FSTL4: variants seen among roughly 807,000 people sequenced by gnomAD.
FSTL4 encodes follistatin like 4.
Under a neutral mutation model 78.2 loss-of-function variants are expected in FSTL4, and 28 were observed. The ratio of observed to expected loss-of-function variants is 0.36; its 90% confidence interval spans 0.27 to 0.49. The LOEUF is 0.49. FSTL4 is among the 20% of genes least tolerant of loss of function. The pLI is 0.98. For synonymous variants in FSTL4, 422 were observed against 440.5 expected (o/e 0.96, Z 0.53); for missense variants, 922 against 1,084.9 (o/e 0.85, Z 2.11).
At chr5:133,376,041 G>A (rs1580660195) in intron 4 of FSTL4, among the ~76,000 whole-genome samples, 1 of 152,324 alleles carries the variant, frequency 6.6e-6, no homozygotes, top group South Asian at 2.1e-4. Context: ...ATTTCCAACA[G>A]GTTGTGTGTA....
the FSTL4 span, among the ~76,000 whole-genome samples, chr5:133,763,602 C>A: frequency 6.6e-6 from 1 of 152,190 alleles, no homozygotes; most frequent in African/African-American, 2.4e-5. Flanking sequence ...CAGCAGGATC[C>A]CATCCAGCAC....
chr5:133,371,372 A>T (rs1282340001), intron 4 of FSTL4, among the ~76,000 whole-genome samples: 1 of 151,966 alleles, frequency 6.6e-6, no homozygotes, highest in East Asian at 1.9e-4. Context: ...GGTTTATCCC[A>T]TGTAGGTCTC....
intron 2 of FSTL4, among the ~76,000 whole-genome samples, chr5:133,572,590 T>A (rs1324360730): frequency 6.6e-6 from 1 of 152,094 alleles, no homozygotes; most frequent in Non-Finnish European, 1.5e-5. Context: ...AATGTATAGC[T>A]ATGCAAGAAG....
At chr5:133,827,382 G>T in the FSTL4 span, among the ~76,000 whole-genome samples, 3,026 of 152,196 alleles carry the variant, frequency 0.02, 105 homozygotes, top group African/African-American at 0.07. Context: ...AGCTGGGAGG[G>T]CAGAGAATAT....
the FSTL4 span, among the ~76,000 whole-genome samples, chr5:133,832,523 C>T: frequency 0.1 from 15,513 of 152,244 alleles, 858 homozygotes; most frequent in Admixed American, 0.15. Flanking sequence ...ATCTTTAGTC[C>T]AGATTTGATT....
rs1353380660 is a variant in FSTL4, at chr5:133,199,450, A to G, written c.2174T>C (p.Leu725Pro). Residue 725 changes from leucine to proline, a missense_variant, in exon 16 of 16, where the codon CTG (leucine) becomes CCG (proline). Physicochemically the swap from Leu to Pro is moderately conservative, Grantham distance 98. Coordinates refer to ENST00000265342, the MANE Select transcript of FSTL4 (RefSeq NM_015082.2). This position sits in a 1 kb window ranked among gnomAD's most constrained non-coding sequence, Gnocchi z 4.4. ...EITVRGEIQT[L>P]YDLQINSGIS... ...GCCCGAGTTTATTTGCAGGTCATAC[A>G]GGGTCTGGATCTCGCCCCGCACTGT... 3 of 1,614,066 alleles carry G rather than the reference A, an allele frequency of 1.9e-6. No homozygotes were observed. The highest frequency in any genetic ancestry group is 2.2e-5 in the South Asian group (2 of 91,088).
chr5:133,216,979 T>C (rs1750928111), intron 13 of FSTL4, among the ~76,000 whole-genome samples: 1 of 152,214 alleles, frequency 6.6e-6, no homozygotes, highest in Admixed American at 6.5e-5. Context: ...CCTTATTACT[T>C]ATAGTTCTCT....
chr5:133,402,816 C>A (rs1034001824), intron 3 of FSTL4, among the ~76,000 whole-genome samples: 1 of 152,174 alleles, frequency 6.6e-6, no homozygotes, highest in African/African-American at 2.4e-5. Flanking sequence ...AAGTGCAGAT[C>A]CTAAGGAGGC....
chr5:133,420,569 G>A (rs542764571), intron 3 of FSTL4, among the ~76,000 whole-genome samples: 1 of 152,296 alleles, frequency 6.6e-6, no homozygotes, highest in Non-Finnish European at 1.5e-5. Flanking sequence ...GAAGATGAAG[G>A]GGGCTCTCAG....
chr5:133,422,270 G>C (rs1055094356), intron 3 of FSTL4, among the ~76,000 whole-genome samples: 1 of 152,072 alleles, frequency 6.6e-6, no homozygotes, highest in Non-Finnish European at 1.5e-5. Context: ...GCAGGAGAGT[G>C]GTACGATATG....
chr5:133,400,148 T>C (rs1756183382), intron 4 of FSTL4, among the ~76,000 whole-genome samples: 1 of 152,166 alleles, frequency 6.6e-6, no homozygotes, highest in African/African-American at 2.4e-5. Flanking sequence ...TCTGACTCAA[T>C]CTCAGCCTAA....
chr5:133,568,098 A>C (rs1760067581), intron 2 of FSTL4, among the ~76,000 whole-genome samples: 1 of 152,248 alleles, frequency 6.6e-6, no homozygotes, highest in Non-Finnish European at 1.5e-5. Context: ...AGAGAATAGC[A>C]TAGGAAAATG....
At chr5:133,278,729 C>T (rs1410801290) in intron 6 of FSTL4, among the ~76,000 whole-genome samples, 2 of 152,168 alleles carry the variant, frequency 1.3e-5, no homozygotes, top group Non-Finnish European at 2.9e-5. Flanking sequence ...AGAGAGGGTT[C>T]CAATAGGTCT....
the FSTL4 span, among the ~76,000 whole-genome samples, chr5:133,797,386 T>C: frequency 6.6e-6 from 1 of 152,274 alleles, no homozygotes; most frequent in Non-Finnish European, 1.5e-5. Context: ...AAGGATGCTA[T>C]GTAGTAAGAC....
intron 2 of FSTL4, among the ~76,000 whole-genome samples, chr5:133,576,821 A>T (rs1034770508): frequency 6.6e-6 from 1 of 152,218 alleles, no homozygotes; most frequent in Non-Finnish European, 1.5e-5. Context: ...CTAAGTTCTA[A>T]GTTTTTCATA....
At chr5:133,547,215 C>T (rs1297497904) in intron 3 of FSTL4, among the ~76,000 whole-genome samples, 2 of 150,016 alleles carry the variant, frequency 1.3e-5, no homozygotes, top group Admixed American at 6.7e-5. Context: ...GCCTGATACT[C>T]CTTTCTTCTT....
intron 14 of FSTL4, chr5:133,208,432 T>C (rs77099035): frequency 1.3e-5 from 2 of 152,250 alleles, no homozygotes; most frequent in African/African-American, 2.4e-5. Flanking sequence ...TCATTTCTCA[T>C]CAGTTTAGCC....
the FSTL4 span, among the ~76,000 whole-genome samples, chr5:133,773,268 A>C: frequency 6.6e-6 from 1 of 152,056 alleles, no homozygotes; most frequent in Middle Eastern, 3.4e-3. Context: ...AAAAAAAAAA[A>C]AAAAGTTGAG....
intron 6 of FSTL4, among the ~76,000 whole-genome samples, chr5:133,252,429 C>T (rs533408831): frequency 7.1e-4 from 108 of 152,120 alleles, no homozygotes; most frequent in Middle Eastern, 3.4e-3. Flanking sequence ...AGATTCTTGC[C>T]CCTCTGCCTC....
Sources: allele counts gnomAD v4.1 joint callset (sites outside exome capture counted in the v4.1 genomes callset), GRCh38; gene constraint gnomAD v4.1.1; non-coding constraint Gnocchi (gnomAD v3.1); transcripts MANE v1.5; gene names NCBI Gene and HGNC (gene_info 2026-07-23, HGNC 2026-07-21).